PRAMEF20: variants seen among roughly 807,000 people sequenced by gnomAD.
The protein encoded by PRAMEF20 is PRAME family member 20/21.
A neutral mutation model predicts 32.4 loss-of-function variants in PRAMEF20; 27 were observed. The observed-to-expected ratio is 0.83, with a 90% CI of 0.61 to 1.15. PRAMEF20 has a LOEUF of 1.15. PRAMEF20 is among the 50% of genes most tolerant of loss of function. The pLI, the probability that PRAMEF20 is intolerant of heterozygous loss-of-function variation, is 0.00. For synonymous variants in PRAMEF20, 256 were observed against 235.4 expected (o/e 1.09, Z -0.80); for missense variants, 604 against 584.5 (o/e 1.03, Z -0.34).
chr1:13,416,297 G>C, upstream of PRAMEF20: 3 of 1,612,002 alleles, frequency 1.9e-6, no homozygotes, highest in Non-Finnish European at 2.5e-6. Context: ...CTTGGCCTGA[G>C]AGTGATGCCT....
At chr1:13,414,823 A>G (rs1173928883), upstream of PRAMEF20, among the ~76,000 whole-genome samples, 1 of 151,874 alleles carries the variant, frequency 6.6e-6, no homozygotes, top group East Asian at 1.9e-4. Context: ...AGAGAGAGAC[A>G]TAGTCTCACT....
At chr1:13,418,156 G>C in exon 2 of PRAMEF20, 1 of 1,613,156 alleles carries the variant, frequency 6.2e-7, no homozygotes. Context: ...TTTACAGGAT[G>C]TCAGTGAGAA....
At position 13,420,961 on chromosome 1, in the gene PRAMEF20, TG is replaced by T; in HGVS notation, c.1132del (p.Glu378SerfsTer60). 1 of 1,613,682 alleles carries T rather than the reference TG, an allele frequency of 6.2e-7. No individual in the cohort carries two copies. The highest frequency in any genetic ancestry group is 1.1e-5 in the South Asian group (1 of 91,054). On this transcript the variant is annotated frameshift_variant, in exon 3 of 3. Coordinates refer to ENST00000602960, the Ensembl canonical transcript of PRAMEF20. LOFTEE classifies it high-confidence loss of function. ...TCCTGCCTGCCCTGAGCCGCTGCTTTGAGCTCACCACCTTCAGCTTCCGTGG... is the reference window on the plus strand; with the variant it reads ...TCCTGCCTGCCCTGAGCCGCTGCTTTAGCTCACCACCTTCAGCTTCCGTGG...
upstream of PRAMEF20, among the ~76,000 whole-genome samples, chr1:13,413,927 T>A (rs1434623589): frequency 6.6e-6 from 1 of 152,232 alleles, no homozygotes; most frequent in Non-Finnish European, 1.5e-5. Flanking sequence ...GAACAGATTT[T>A]GGCTTTGAAT....
intron 1 of PRAMEF20, among the ~76,000 whole-genome samples, chr1:13,417,048 G>A (rs1641183069): frequency 6.6e-6 from 1 of 152,182 alleles, no homozygotes; most frequent in East Asian, 1.9e-4. Flanking sequence ...CAAGAATGAA[G>A]CCACAGACCT....
At chr1:13,412,924 C>G (rs1641127629), upstream of PRAMEF20, among the ~76,000 whole-genome samples, 1 of 152,064 alleles carries the variant, frequency 6.6e-6, no homozygotes, top group Non-Finnish European at 1.5e-5. Flanking sequence ...ACTCAGCCCC[C>G]CACCCTGCAA....
At chr1:13,416,989 T>C (rs997562839) in intron 1 of PRAMEF20, among the ~76,000 whole-genome samples, 4,655 of 152,156 alleles carry the variant, frequency 0.031, 229 homozygotes, top group African/African-American at 0.11. Context: ...CTGGCCAACA[T>C]TGTGTCCAGA....
At position 13,418,375 on chromosome 1, in the gene PRAMEF20, T is replaced by G; in HGVS notation, c.541T>G (p.Cys181Gly). The G allele has an allele frequency of 1.9e-6, 3 of 1,613,906 alleles. No homozygotes were observed. The East Asian group carries it at 6.7e-5, about 36-fold the overall frequency. ...GCAGAGGGAAGGTTTAGTACACCTGTGCTGTAAGAAGCTGAAAATGTTGGG... is the reference window on the plus strand; with the variant it reads ...GCAGAGGGAAGGTTTAGTACACCTGGGCTGTAAGAAGCTGAAAATGTTGGG... Residue 181 changes from cysteine (C) to glycine (G), a missense_variant, in exon 2 of 3, where the codon TGC (cysteine) becomes GGC (glycine). By Grantham distance (159) the Cys-to-Gly change is radical. Coordinates refer to ENST00000602960, the Ensembl canonical transcript of PRAMEF20.
upstream of PRAMEF20, among the ~76,000 whole-genome samples, chr1:13,413,039 A>G (rs1002593389): frequency 6.6e-6 from 1 of 152,184 alleles, no homozygotes; most frequent in African/African-American, 2.4e-5. Context: ...AAACTGTTTT[A>G]ACTCTGAAAT....
chr1:13,418,451 G>A, exon 2 of PRAMEF20: 1 of 1,613,942 alleles, frequency 6.2e-7, no homozygotes, highest in South Asian at 1.1e-5. Flanking sequence ...AACCTAGACT[G>A]TATCCAGGAG....
At position 13,420,685 on chromosome 1, in the gene PRAMEF20, C is replaced by T; in HGVS notation, c.867-12C>T. The T allele has an allele frequency of 1.9e-6, 3 of 1,613,858 alleles. No homozygotes were observed. Among genetic ancestry groups the T allele is most frequent in the Non-Finnish European group, 2.5e-6 (3 of 1,179,820 alleles). ...GATTCCCCAGAACTAACTTCCTGCT[C>T]TCTCTCCCCAGCTGTCTAAAGACCT... On this transcript the variant is annotated splice_polypyrimidine_tract_variant and intron_variant, in intron 2 of 2. Coordinates refer to ENST00000602960, the Ensembl canonical transcript of PRAMEF20.
chr1:13,418,690 C>A (rs1315045014), exon 2 of PRAMEF20: 6 of 1,613,528 alleles, frequency 3.7e-6, no homozygotes, highest in Non-Finnish European at 5.1e-6. Context: ...CCACCTGGAC[C>A]AGATGCTCAG....
intron 1 of PRAMEF20, among the ~76,000 whole-genome samples, chr1:13,417,020 T>C (rs1440569313): frequency 1.3e-5 from 2 of 152,152 alleles, no homozygotes; most frequent in African/African-American, 4.8e-5. Flanking sequence ...GCCGGTGGGT[T>C]CATGGTCTTG....
At chr1:13,414,208 A>ATTTTTT (rs149194621), upstream of PRAMEF20, among the ~76,000 whole-genome samples, 28 of 123,270 alleles carry the variant, frequency 2.3e-4, no homozygotes, top group East Asian at 5.2e-4. Context: ...CACCTGACTA[A>ATTTTTT]TTTTTTTTTT....
intron 1 of PRAMEF20, among the ~76,000 whole-genome samples, chr1:13,417,195 G>A (rs1279378048): frequency 6.6e-6 from 1 of 152,098 alleles, no homozygotes; most frequent in Non-Finnish European, 1.5e-5. Context: ...TGCTGACTGG[G>A]GTGGCCAGCT....
upstream of PRAMEF20, among the ~76,000 whole-genome samples, chr1:13,414,763 C>A (rs970944840): frequency 5.3e-5 from 8 of 151,790 alleles, no homozygotes; most frequent in South Asian, 2.1e-4. Context: ...CCGCACCCAG[C>A]CCCTTTAATA....
exon 3 of PRAMEF20, chr1:13,421,180 C>G: frequency 1.2e-6 from 2 of 1,613,932 alleles, no homozygotes; most frequent in Non-Finnish European, 1.7e-6. Flanking sequence ...CCGAGAGGAT[C>G]TTGTTCTGTA....
chr1:13,410,979 T>C, the PRAMEF20 span, among the ~76,000 whole-genome samples: 1 of 152,054 alleles, frequency 6.6e-6, no homozygotes, highest in Non-Finnish European at 1.5e-5. Flanking sequence ...TGCCTCAGCC[T>C]CCTGAGTAGC....
chr1:13,420,027 C>T (rs1641226094), intron 2 of PRAMEF20, among the ~76,000 whole-genome samples: 1 of 152,156 alleles, frequency 6.6e-6, no homozygotes, highest in Non-Finnish European at 1.5e-5. Context: ...GCAGCCTGCC[C>T]ACCCCAGCTG....
Sources: allele counts gnomAD v4.1 joint callset (sites outside exome capture counted in the v4.1 genomes callset), GRCh38; gene constraint gnomAD v4.1.1; transcripts MANE v1.5; gene names NCBI Gene and HGNC (gene_info 2026-07-23, HGNC 2026-07-21).